Variants in RBFOX1 observed in about 807,000 individuals in gnomAD.
RBFOX1 encodes RNA binding protein fox-1 homolog 1.
A neutral mutation model predicts 57.7 loss-of-function variants in RBFOX1; 8 were observed. The observed-to-expected ratio is 0.14, with a 90% CI of 0.08 to 0.25. The LOEUF is 0.25. RBFOX1 is among the 10% of genes least tolerant of loss of function. The probability of loss-of-function intolerance (pLI) is 1.00; values close to 1 mark genes in which losing one functional copy is unlikely to be tolerated. For synonymous variants in RBFOX1, 326 were observed against 222.4 expected (o/e 1.47, Z -4.15); for missense variants, 611 against 548.5 (o/e 1.11, Z -1.14).
intron 1 of RBFOX1, among the ~76,000 whole-genome samples, chr16:6,147,166 TA>T (rs746629390): frequency 3.3e-5 from 5 of 152,200 alleles, no homozygotes; most frequent in Admixed American, 1.3e-4. Context: ...CTCCAACTGT[TA>T]CCTAAAAGGA....
In RBFOX1 at chr16:7,364,474, G is replaced by C. The variant is rs923381241; in HGVS notation, c.28-153673G>C. On this transcript the variant is annotated intron_variant, in intron 4 of 15. Coordinates refer to ENST00000550418, the MANE Select transcript of RBFOX1 (RefSeq NM_018723.4). ...ACCATTATTAGCAGTATCAGGTTGGGTTGCTGAGTTTCAAGTACTAGAAAT... is the reference window on the plus strand; with the variant it reads ...ACCATTATTAGCAGTATCAGGTTGGCTTGCTGAGTTTCAAGTACTAGAAAT... Among the ~76,000 whole-genome samples the C allele has an allele frequency of 5.9e-5, 9 of 151,274 alleles. No individual in the cohort carries two copies. In the Admixed American group the frequency reaches 6.0e-4, roughly 10 times the overall value.
intron 3 of RBFOX1, among the ~76,000 whole-genome samples, chr16:6,962,293 A>T (rs535807932): frequency 1.3e-5 from 2 of 152,264 alleles, no homozygotes; most frequent in South Asian, 4.2e-4. Flanking sequence ...GGCCCACCCT[A>T]AATTCAGGAC....
Position 7,454,689 on chromosome 16 carries a change from G to A in RBFOX1, c.28-63458G>A, listed in dbSNP as rs541001514. 1.2e-4 allele frequency among the ~76,000 whole-genome samples: 18 copies of A among 150,264 alleles called. No individual in the cohort carries two copies. The South Asian group carries it at 3.3e-3, about 28-fold the overall frequency. On this transcript the variant is annotated intron_variant, in intron 4 of 15. Transcript: ENST00000550418. ...GATAGAACTTGAGAAGGAATATGGT[G>A]GAGGAATGAGTTTTTATCTAAGCCA...
chr16:5,519,917 T>C (rs553076820), intron 2 of RBFOX1, among the ~76,000 whole-genome samples: 120 of 152,374 alleles, frequency 7.9e-4, no homozygotes, highest in African/African-American at 2.8e-3. Flanking sequence ...AGCCATTTAC[T>C]GTGATGAATA....
chr16:7,123,891 C>T (rs1442076356), intron 4 of RBFOX1, among the ~76,000 whole-genome samples: 6 of 152,094 alleles, frequency 3.9e-5, no homozygotes, highest in Admixed American at 3.3e-4. Flanking sequence ...GAACATGCCA[C>T]AGTCTGCAGT....
intron 6 of RBFOX1, 56 bp from the exon 7 acceptor site, chr16:7,587,191 A>G: frequency 6.9e-7 from 1 of 1,444,098 alleles, no homozygotes; most frequent in Non-Finnish European, 9.2e-7. Flanking sequence ...TACTGTACAT[A>G]GTAATGTCTA....
chr16:7,268,145 A>G (rs887059834), intron 4 of RBFOX1, among the ~76,000 whole-genome samples: 2 of 152,198 alleles, frequency 1.3e-5, no homozygotes, highest in Non-Finnish European at 2.9e-5. Flanking sequence ...CTGCACCTCA[A>G]TATAGCTAAC....
intron 4 of RBFOX1, among the ~76,000 whole-genome samples, chr16:7,239,311 C>G (rs561567784): frequency 9.7e-4 from 147 of 152,148 alleles, no homozygotes; most frequent in African/African-American, 3.5e-3. Context: ...CCAGCCTGGA[C>G]AACATGGTGA....
chr16:7,676,680 T>C (rs1024132638), intron 13 of RBFOX1, 94 bp from the exon 14 acceptor site: 3 of 1,054,684 alleles, frequency 2.8e-6, no homozygotes, highest in East Asian at 4.8e-5. Flanking sequence ...CTCAGTAGAT[T>C]TGGGTAACAG....
intron 1 of RBFOX1, among the ~76,000 whole-genome samples, chr16:6,214,664 GGA>G (rs1262695103): frequency 8.7e-6 from 1 of 114,726 alleles, no homozygotes; most frequent in East Asian, 3.2e-4. Context: ...AGAGGGAGAA[GGA>G]GAGAGGGAGA....
intron 4 of RBFOX1, among the ~76,000 whole-genome samples, chr16:7,140,770 A>G (rs561014311): frequency 2.0e-5 from 3 of 152,294 alleles, no homozygotes; most frequent in Middle Eastern, 6.8e-3. Context: ...TGGGGAAGGT[A>G]GCGTTAAACT....
intron 3 of RBFOX1, among the ~76,000 whole-genome samples, chr16:6,976,880 C>T (rs1488163233): frequency 8.7e-6 from 1 of 114,508 alleles, no homozygotes; most frequent in Non-Finnish European, 1.8e-5. Context: ...ATGTCATATC[C>T]ATATCACATA....
chr16:7,345,461 G>A (rs1277751164), intron 4 of RBFOX1, among the ~76,000 whole-genome samples: 1 of 152,194 alleles, frequency 6.6e-6, no homozygotes, highest in Non-Finnish European at 1.5e-5. Context: ...ATTCTAATGA[G>A]CTGGGTTTTG....
chr16:6,255,574 G>T (rs903378142), intron 1 of RBFOX1, among the ~76,000 whole-genome samples: 1 of 152,110 alleles, frequency 6.6e-6, no homozygotes, highest in East Asian at 1.9e-4. Flanking sequence ...GGAATGCGCT[G>T]TTCAGTGTCC....
chr16:6,057,420 C>T (rs7198605), intron 1 of RBFOX1, among the ~76,000 whole-genome samples: 30,639 of 151,946 alleles, frequency 0.2, 3,916 homozygotes, highest in Non-Finnish European at 0.28. Context: ...ATGCATTCTT[C>T]TCCCCACTGC....
chr16:7,063,318 C>T (rs937824882), intron 4 of RBFOX1, among the ~76,000 whole-genome samples: 26 of 152,166 alleles, frequency 1.7e-4, no homozygotes, highest in Admixed American at 6.5e-4. Flanking sequence ...GGGGACCACC[C>T]CCGTGCCCAC....
chr16:7,461,582 C>T (rs2059591955), intron 4 of RBFOX1, among the ~76,000 whole-genome samples: 1 of 152,180 alleles, frequency 6.6e-6, no homozygotes, highest in Non-Finnish European at 1.5e-5. Context: ...TGACATTCAG[C>T]TCTACGCAGT....
intron 1 of RBFOX1, among the ~76,000 whole-genome samples, chr16:6,253,709 A>ATATATG (rs2097642187): frequency 2.7e-5 from 4 of 150,816 alleles, no homozygotes; most frequent in Non-Finnish European, 5.9e-5. Context: ...GTATATATAT[A>ATATATG]TATATGTACC....
At chr16:7,059,174 A>G (rs1461457423) in intron 4 of RBFOX1, among the ~76,000 whole-genome samples, 2 of 152,196 alleles carry the variant, frequency 1.3e-5, no homozygotes, top group African/African-American at 4.8e-5. Flanking sequence ...GAGCTATCAG[A>G]ATCAGAGATA....
Sources: allele counts gnomAD v4.1 joint callset (sites outside exome capture counted in the v4.1 genomes callset), GRCh38; gene constraint gnomAD v4.1.1; transcripts MANE v1.5; gene names NCBI Gene and HGNC (gene_info 2026-07-23, HGNC 2026-07-21).